ANOS1: variants seen among roughly 807,000 people sequenced by gnomAD.
ANOS1 encodes the protein anosmin 1.
ANOS1 carries 6 observed loss-of-function variants against 59.0 expected under a neutral mutation model. The observed-to-expected ratio is 0.10, with a 90% CI of 0.06 to 0.20. The LOEUF (loss-of-function observed/expected upper bound fraction) is 0.20. ANOS1 is among the 10% of genes least tolerant of loss of function. The pLI, the probability that ANOS1 is intolerant of heterozygous loss-of-function variation, is 1.00. For missense variants in ANOS1, 433 were observed against 542.3 expected (o/e 0.80, Z 2.00); for synonymous variants, 217 against 223.4 (o/e 0.97, Z 0.25).
rs375767556 is a variant in ANOS1 at position 8,534,382 on chromosome X, C to T, written c.1921G>A (p.Gly641Arg). 5.1e-5 allele frequency: 62 copies of T among 1,208,877 alleles called. No homozygotes were observed. The highest frequency in any genetic ancestry group is 8.8e-5 in the African/African-American group (5 of 57,020). ...GTCTTGATGGTGGCCGGCCCCTCCC[C>T]TCCTGGGGTCAGCACTTGCACTTCC... ...RLEVQVLTPG[G>R]EGPATIKTFR... The change falls in exon 13 of 14, where the codon GGG becomes AGG. Residue 641 changes from glycine to arginine, a missense_variant. Physicochemically the swap from Gly to Arg is moderately radical, Grantham distance 125. Transcript: ENST00000262648.
chrX:8,591,771 C>T (rs1327637452), intron 4 of ANOS1, among the ~76,000 whole-genome samples: 1 of 112,228 alleles, frequency 8.9e-6, no homozygotes, highest in Non-Finnish European at 1.9e-5. Flanking sequence ...CCCTCACTGC[C>T]GGGGCGCACA....
intron 2 of ANOS1, among the ~76,000 whole-genome samples, chrX:8,661,484 C>T (rs1167162511): frequency 9.0e-6 from 1 of 111,609 alleles, no homozygotes; most frequent in Non-Finnish European, 1.9e-5. Context: ...CCTTAATTAC[C>T]CCTTTAAAGA....
intron 6 of ANOS1, among the ~76,000 whole-genome samples, chrX:8,571,264 C>T (rs1201117226): frequency 9.0e-6 from 1 of 111,354 alleles, no homozygotes; most frequent in Non-Finnish European, 1.9e-5. Context: ...TCGTTTTAGG[C>T]ATTTCCATAC....
At chrX:8,621,325 C>A (rs1190217986) in intron 3 of ANOS1, among the ~76,000 whole-genome samples, 2 of 103,106 alleles carry the variant, frequency 1.9e-5, no homozygotes, top group African/African-American at 7.3e-5. Flanking sequence ...GAGATCACGC[C>A]ACTGCACTCC....
In ANOS1 at chrX:8,532,652, TGGGGCGGAG is replaced by T; in HGVS notation, c.*334_*342del. ...ATTGTGTATTTGTTACTCTCCTTTT[TGGGGCGGAG>T]TTTGGTGCTCCAAATTCAGGGAAAA... On this transcript the variant is annotated 3_prime_UTR_variant, in exon 14 of 14. Transcript: ENST00000262648. 1 of 173,673 alleles carries T rather than the reference TGGGGCGGAG, an allele frequency of 5.8e-6. No homozygotes were observed. The highest frequency in any genetic ancestry group is 2.9e-5 in the African/African-American group (1 of 34,458). 14.3% of individuals were successfully genotyped at this position (173,673 alleles called of 1,213,427 possible).
chrX:8,686,331 A>G (rs1340659971), intron 2 of ANOS1, among the ~76,000 whole-genome samples: 1 of 111,494 alleles, frequency 9.0e-6, no homozygotes, highest in African/African-American at 3.3e-5. Context: ...GGCCTTTCTC[A>G]CTCTTAAAAT....
intron 7 of ANOS1, among the ~76,000 whole-genome samples, chrX:8,569,318 A>G (rs1360941658): frequency 8.9e-6 from 1 of 112,338 alleles, no homozygotes; most frequent in Non-Finnish European, 1.9e-5. Flanking sequence ...ATCCTTCAAT[A>G]TAAAAAATGG....
intron 3 of ANOS1, among the ~76,000 whole-genome samples, chrX:8,622,595 CCTCAACTGAGCT>C (rs1363742843): frequency 9.0e-6 from 1 of 111,670 alleles, no homozygotes; most frequent in African/African-American, 3.3e-5. Context: ...TGGCCAAGAC[CCTCAACTGAGCT>C]CTCCTGACTG....
intron 10 of ANOS1, among the ~76,000 whole-genome samples, chrX:8,537,806 GA>G (rs1403948081): frequency 9.2e-6 from 1 of 108,701 alleles, no homozygotes; most frequent in African/African-American, 3.4e-5. Context: ...TTTAAGAGAG[GA>G]AAAAAAGTAC....
At chrX:8,668,618 C>A (rs1394835211) in intron 2 of ANOS1, among the ~76,000 whole-genome samples, 7 of 104,439 alleles carry the variant, frequency 6.7e-5, no homozygotes. Flanking sequence ...TTTCTTTATC[C>A]ACTCATTGAC....
intron 2 of ANOS1, among the ~76,000 whole-genome samples, chrX:8,678,833 G>A (rs1054331416): frequency 1.8e-5 from 2 of 111,787 alleles, no homozygotes; most frequent in African/African-American, 6.5e-5. Context: ...AGGAGTTCAC[G>A]TGAGCCCCAA....
chrX:8,602,928 G>C (rs1201505925), intron 3 of ANOS1, among the ~76,000 whole-genome samples: 3 of 110,481 alleles, frequency 2.7e-5, no homozygotes, highest in African/African-American at 9.9e-5. Context: ...TAGTAGAGAT[G>C]GGGTTTCATC....
chrX:8,536,879 T>C lies in ANOS1; in HGVS notation c.1513A>G (p.Ile505Val). The C allele has an allele frequency of 1.7e-6, 2 of 1,207,889 alleles. No homozygotes were observed. The highest frequency in any genetic ancestry group is 2.2e-6 in the Non-Finnish European group (2 of 892,091). The change falls in exon 11 of 14, where the codon ATA becomes GTA. Residue 505 changes from isoleucine to valine, a missense_variant. Ile to Val is a conservative substitution (Grantham distance 29). Transcript: ENST00000262648. ...SCKYKVTVQP[I>V]RPKSHSKAEA... is the part of the protein sequence containing the mutation. ...GCCTTGGAGTGACTTTTTGGCCGTA[T>C]TGGTTGGACAGTCACCTTATACTTG...
intron 2 of ANOS1, among the ~76,000 whole-genome samples, chrX:8,665,854 A>G (rs1287412372): frequency 2.7e-5 from 3 of 112,149 alleles, no homozygotes; most frequent in African/African-American, 9.7e-5. Flanking sequence ...TTAACATTTA[A>G]AACGTTGGCA....
intron 2 of ANOS1, among the ~76,000 whole-genome samples, chrX:8,694,066 TG>T (rs1360918764): frequency 9.0e-6 from 1 of 111,322 alleles, no homozygotes; most frequent in African/African-American, 3.3e-5. Context: ...TAACAATATC[TG>T]GGAATTTTCT....
At chrX:8,601,624 T>A (rs1045714155) in intron 3 of ANOS1, among the ~76,000 whole-genome samples, 1 of 112,246 alleles carries the variant, frequency 8.9e-6, no homozygotes, top group Admixed American at 9.5e-5. Context: ...TTATTCTGTA[T>A]GGATATTCAA....
At chrX:8,632,653 C>A (rs1421119356) in intron 2 of ANOS1, among the ~76,000 whole-genome samples, 5 of 110,945 alleles carry the variant, frequency 4.5e-5, no homozygotes, top group Non-Finnish European at 7.6e-5. Context: ...GAGACCATAG[C>A]CCAGTACCTT....
intron 2 of ANOS1, among the ~76,000 whole-genome samples, chrX:8,640,239 T>C (rs1020482433): frequency 1.8e-5 from 2 of 111,001 alleles, no homozygotes; most frequent in African/African-American, 6.6e-5. Context: ...GTGGGCCTAG[T>C]TGAGGGTCAG....
At chrX:8,702,281 C>T (rs1490203307) in intron 1 of ANOS1, among the ~76,000 whole-genome samples, 3 of 112,064 alleles carry the variant, frequency 2.7e-5, no homozygotes, top group Non-Finnish European at 5.6e-5. Context: ...AAATGATGGG[C>T]GTGGTTGAAT....
Sources: allele counts gnomAD v4.1 joint callset (sites outside exome capture counted in the v4.1 genomes callset), GRCh38; gene constraint gnomAD v4.1.1; transcripts MANE v1.5; gene names NCBI Gene and HGNC (gene_info 2026-07-23, HGNC 2026-07-21).